CRYBG1: variants seen among roughly 807,000 people sequenced by gnomAD.
CRYBG1 encodes beta/gamma crystallin domain-containing protein 1.
A neutral mutation model predicts 189.2 loss-of-function variants in CRYBG1; 139 were observed. The ratio of observed to expected loss-of-function variants is 0.73; its 90% confidence interval spans 0.64 to 0.85. The LOEUF is 0.85. Ranked by LOEUF, CRYBG1 falls within the 40% of genes least tolerant of loss-of-function variation. The pLI is 0.00. For synonymous variants in CRYBG1, 1,023 were observed against 1,017.1 expected, an observed-to-expected ratio of 1.01 and a Z score of -0.11; for missense variants, 2,611 against 2,675.8, an observed-to-expected ratio of 0.98 and a Z score of 0.53.
At chr6:106,451,250 T>C (rs781325865) in intron 1 of CRYBG1, among the ~76,000 whole-genome samples, 122 of 152,340 alleles carry the variant, frequency 8.0e-4, no homozygotes, top group Non-Finnish European at 1.6e-3. Context: ...TCCCATTTCC[T>C]GGCATAGTCT....
chr6:106,472,623 AGT>A (rs35080583), intron 2 of CRYBG1, among the ~76,000 whole-genome samples: 32,367 of 151,952 alleles, frequency 0.21, 3,662 homozygotes, highest in East Asian at 0.37. Context: ...GGCCAGGCAC[AGT>A]GGCTCATGCC....
At chr6:106,409,355 GCT>G (rs1386132033) in intron 1 of CRYBG1, among the ~76,000 whole-genome samples, 1 of 152,112 alleles carries the variant, frequency 6.6e-6, no homozygotes, top group Non-Finnish European at 1.5e-5. Flanking sequence ...ACAAACCACT[GCT>G]CAAGGAAATA....
At chr6:106,376,681 G>A (rs1458024359) in intron 1 of CRYBG1, among the ~76,000 whole-genome samples, 1 of 152,124 alleles carries the variant, frequency 6.6e-6, no homozygotes. Context: ...GCCCTGGTCT[G>A]CTTACCATTC....
intron 1 of CRYBG1, among the ~76,000 whole-genome samples, chr6:106,428,935 C>T (rs1771276312): frequency 6.6e-6 from 1 of 152,160 alleles, no homozygotes; most frequent in Admixed American, 6.5e-5. Flanking sequence ...ACCAGAGTAT[C>T]CTTTCCCTTG....
intron 1 of CRYBG1, among the ~76,000 whole-genome samples, chr6:106,377,621 T>TTA (rs373644273): frequency 0.016 from 1,144 of 69,462 alleles, 81 homozygotes; most frequent in African/African-American, 0.024. Flanking sequence ...TCCTAAGGTT[T>TTA]TATATATATA....
At chr6:106,367,799 CAAAAA>C (rs68107811) in intron 1 of CRYBG1, among the ~76,000 whole-genome samples, 3 of 136,964 alleles carry the variant, frequency 2.2e-5, no homozygotes, top group Non-Finnish European at 3.1e-5. Flanking sequence ...CCTGCTTATC[CAAAAA>C]AAAAAAAAAA....
chr6:106,423,251 GTTTTTTTTT>G (rs5878887), intron 1 of CRYBG1, among the ~76,000 whole-genome samples: 1 of 80,872 alleles, frequency 1.2e-5, no homozygotes, highest in Admixed American at 1.5e-4. Context: ...GAGTTGGCTG[GTTTTTTTTT>G]TTTTTTTTTT....
intron 2 of CRYBG1, among the ~76,000 whole-genome samples, chr6:106,472,844 C>A (rs1772261962): frequency 6.8e-6 from 1 of 147,124 alleles, no homozygotes; most frequent in Non-Finnish European, 1.5e-5. Flanking sequence ...GTGGAGGCTA[C>A]AGTGAGCCAA....
intron 1 of CRYBG1, among the ~76,000 whole-genome samples, chr6:106,433,967 T>C (rs1204227001): frequency 4.0e-5 from 6 of 151,752 alleles, no homozygotes; most frequent in African/African-American, 1.2e-4. Flanking sequence ...GCTTAGCTGA[T>C]TGGTTGCAGC....
At chr6:106,431,144 G>C (rs1029322365) in intron 1 of CRYBG1, among the ~76,000 whole-genome samples, 1 of 152,124 alleles carries the variant, frequency 6.6e-6, no homozygotes, top group Non-Finnish European at 1.5e-5. Context: ...TTACAGACTT[G>C]AGCCACCACA....
intron 1 of CRYBG1, chr6:106,451,444 T>A (rs866773389): frequency 5.3e-5 from 16 of 300,308 alleles, no homozygotes; most frequent in African/African-American, 2.6e-4. Context: ...CCTCTATCTA[T>A]CTCTAATTTG....
At chr6:106,425,220 CA>C (rs1364803614) in intron 1 of CRYBG1, among the ~76,000 whole-genome samples, 1 of 152,146 alleles carries the variant, frequency 6.6e-6, no homozygotes, top group African/African-American at 2.4e-5. Context: ...GCCCCTCATT[CA>C]ATGAGGAGTA....
intron 2 of CRYBG1, among the ~76,000 whole-genome samples, chr6:106,473,045 A>G (rs1028705369): frequency 1.3e-5 from 2 of 152,136 alleles, no homozygotes; most frequent in African/African-American, 2.4e-5. Context: ...TACCTTTTCA[A>G]ATCTTGAGGT....
rs767375298 is a variant in CRYBG1, at chr6:106,544,673, T to C, written c.5142T>C (p.Leu1714=). The change falls in exon 12 of 22, where the codon CTT becomes CTC. Residue 1714 remains leucine, a synonymous_variant. Transcript: ENST00000633556. ...WKAWGGYNGE[L]QSLRPILGDF... ...CCTGGGGAGGTTACAATGGAGAGCTTCAGTCTTTACGACCTATATTAGGTG... is the reference window on the plus strand; with the variant it reads ...CCTGGGGAGGTTACAATGGAGAGCTCCAGTCTTTACGACCTATATTAGGTG... The C allele has an allele frequency of 3.2e-5, 52 of 1,614,112 alleles. No individual in the cohort carries two copies. In the East Asian group the frequency reaches 4.7e-4, roughly 15 times the overall value.
chr6:106,467,667 A>G (rs975073295), intron 2 of CRYBG1, among the ~76,000 whole-genome samples: 1 of 150,398 alleles, frequency 6.6e-6, no homozygotes, highest in East Asian at 2.0e-4. Context: ...TTAGAATATC[A>G]TAAGAACAAA....
chr6:106,441,409 A>G (rs1435521022), intron 1 of CRYBG1, among the ~76,000 whole-genome samples: 3 of 152,128 alleles, frequency 2.0e-5, no homozygotes, highest in African/African-American at 7.2e-5. Flanking sequence ...GAGAATTTCT[A>G]TTCATGAGAG....
At chr6:106,437,736 CT>C (rs1771488344) in intron 1 of CRYBG1, among the ~76,000 whole-genome samples, 1 of 152,190 alleles carries the variant, frequency 6.6e-6, no homozygotes. Context: ...TGCACCTAGC[CT>C]TTCTTTTTTA....
At position 106,512,859 on chromosome 6, in the gene CRYBG1, A is replaced by C. The variant is rs1197031382; in HGVS notation, c.1742A>C (p.Glu581Ala). ...LPVKSSSLLP[E>A]IKPEHKRGPL... The stretch of plus-strand genomic sequence containing the variant: ...GTCAAGAGCAGCTCGCTGCTGCCGG[A>C]GATCAAGCCCGAGCACAAGAGGGGC... Residue 581 changes from glutamate to alanine, a missense_variant, in exon 3 of 22, where the codon GAG becomes GCG. Physicochemically the swap from Glu to Ala is moderately radical, Grantham distance 107 (BLOSUM62 -1). Around this residue, in one of 3 missense-constraint regions of CRYBG1, gnomAD observed 985 missense variants for 924.4 expected, o/e 1.07. Transcript: ENST00000633556. The C allele has an allele frequency of 6.3e-7, 1 of 1,588,432 alleles. No homozygotes were observed. The highest frequency in any genetic ancestry group is 8.6e-7 in the Non-Finnish European group (1 of 1,167,650).
intron 2 of CRYBG1, among the ~76,000 whole-genome samples, chr6:106,474,216 G>A (rs1016631713): frequency 6.6e-6 from 1 of 152,172 alleles, no homozygotes; most frequent in Non-Finnish European, 1.5e-5. Context: ...ATTTTGCTGG[G>A]CATGGTGGTG....
Sources: gnomAD v4.1 joint callset for allele counts (sites outside exome capture counted in the v4.1 genomes callset) on GRCh38, gnomAD v4.1.1 for gene constraint, gnomAD v4.1.1 regional missense constraint, MANE v1.5 for transcripts, NCBI Gene and HGNC (gene_info 2026-07-23, HGNC 2026-07-21) for gene names.